Variants in GNG7 observed in about 807,000 individuals in gnomAD.
The protein encoded by GNG7 is G protein subunit gamma 7.
Under a neutral mutation model 4.0 loss-of-function variants are expected in GNG7, and 1 was observed. That is an observed-to-expected ratio of 0.25 (90% CI 0.09 to 1.18). The LOEUF (loss-of-function observed/expected upper bound fraction) is 1.18, where lower values mean the gene tolerates loss of function less well. GNG7 is among the 50% of genes most tolerant of loss of function. The pLI is 0.50. For missense variants in GNG7, 86 were observed against 91.9 expected, an observed-to-expected ratio of 0.94 and a Z score of 0.26; for synonymous variants, 34 against 36.9, an observed-to-expected ratio of 0.92 and a Z score of 0.29.
intron 1 of GNG7, among the ~76,000 whole-genome samples, chr19:2,679,100 T>C (rs1253896872): frequency 3.3e-5 from 5 of 152,188 alleles, no homozygotes; most frequent in African/African-American, 1.2e-4. Flanking sequence ...CAGGCTGGAA[T>C]GCAGTGGTGC....
chr19:2,625,945 G>A (rs552024558), intron 2 of GNG7, among the ~76,000 whole-genome samples: 6 of 152,060 alleles, frequency 3.9e-5, no homozygotes, highest in Admixed American at 3.3e-4. Flanking sequence ...CCACCACCAC[G>A]CCTGGCTAAT....
At chr19:2,552,625 T>A (rs1979367005) in intron 3 of GNG7, among the ~76,000 whole-genome samples, 1 of 151,466 alleles carries the variant, frequency 6.6e-6, no homozygotes, top group African/African-American at 2.4e-5. Flanking sequence ...CCTCAAGTGA[T>A]CCACCCGCCT....
chr19:2,512,040 A>G lies in GNG7; in HGVS notation c.*2982T>C, dbSNP rs60833063. 144,818 of 985,690 alleles carry G rather than the reference A, an allele frequency of 0.15. 11,406 individuals are homozygous for G. The highest frequency in any genetic ancestry group is 0.27 in the African/African-American group (15,602 of 57,256). 61.1% of individuals were successfully genotyped at this position (985,690 alleles called of 1,614,324 possible). A position where few individuals can be genotyped will look rare whatever the true frequency, so the allele number is the denominator to read the frequency against. Reference sequence around the variant, plus strand: ...GCCCGTGGGAGACCCAGGCTACAGAAGGAGAAACGGCCTTCTCTCTCCCAC... The same window carrying G: ...GCCCGTGGGAGACCCAGGCTACAGAGGGAGAAACGGCCTTCTCTCTCCCAC... On this transcript the variant is annotated 3_prime_UTR_variant, in exon 5 of 5. Transcript: ENST00000382159. This position sits in a 1 kb window ranked among gnomAD's most constrained non-coding sequence, Gnocchi z 4.7.
intron 3 of GNG7, among the ~76,000 whole-genome samples, chr19:2,545,578 G>A (rs1297716676): frequency 6.6e-6 from 1 of 150,954 alleles, no homozygotes; most frequent in Non-Finnish European, 1.5e-5. Context: ...CTGAACCTGG[G>A]AGGCAGAGGT....
At chr19:2,565,455 T>C (rs1319585902) in intron 2 of GNG7, among the ~76,000 whole-genome samples, 1 of 149,788 alleles carries the variant, frequency 6.7e-6, no homozygotes, top group African/African-American at 2.5e-5. Flanking sequence ...GAGGTTGCAG[T>C]GAGCCGAGAT....
intron 2 of GNG7, among the ~76,000 whole-genome samples, chr19:2,566,394 T>C (rs955029550): frequency 6.6e-6 from 1 of 152,126 alleles, no homozygotes; most frequent in Non-Finnish European, 1.5e-5. Flanking sequence ...TGCCTACACC[T>C]TGGCCTTGGA....
chr19:2,595,149 A>T (rs1231808375), intron 2 of GNG7: 1 of 145,580 alleles, frequency 6.9e-6, no homozygotes, highest in Non-Finnish European at 1.5e-5. Context: ...TTTTTTTGAG[A>T]CGGAGTCTCA....
Position 2,550,677 on chromosome 19 carries a change from C to T in GNG7, c.-38+4472G>A, listed in dbSNP as rs536239026. 2.2e-4 allele frequency among the ~76,000 whole-genome samples: 33 copies of T among 152,230 alleles called. No homozygotes were observed. The East Asian group carries it at 5.3e-3, about 24-fold the overall frequency. ...CCACCAGCTGCTCTGTGGCAAGTCT[C>T]GTGACTCCAATCCCGCTCTGCCTCT... is the stretch of plus-strand genomic sequence containing the variant. On this transcript the variant is annotated intron_variant, in intron 3 of 4. Coordinates refer to ENST00000382159, the MANE Select transcript of GNG7 (RefSeq NM_052847.3).
intron 1 of GNG7, among the ~76,000 whole-genome samples, chr19:2,661,240 G>T (rs1599448470): frequency 9.9e-6 from 1 of 101,424 alleles, no homozygotes; most frequent in African/African-American, 3.8e-5. Flanking sequence ...AGGAAAGAAA[G>T]AAAGAAAAGA....
rs752999049 is a variant in GNG7, at chr19:2,690,884, G to A, written c.-135+11762C>T. 2.5e-4 allele frequency among the ~76,000 whole-genome samples: 38 copies of A among 152,236 alleles called. 1 individual carries two copies. Among genetic ancestry groups the A allele is most frequent in the South Asian group, 1.0e-3 (5 of 4,828 alleles). ...GCTGGGATTACAGGTGCGAGCCACC[G>A]CGCCCGGCCAGGGCAGTGAAACTAT... On this transcript the variant is annotated intron_variant, in intron 1 of 4. Transcript: ENST00000382159.
intron 4 of GNG7, among the ~76,000 whole-genome samples, chr19:2,518,197 TAAAA>T (rs1438716577): frequency 4.6e-5 from 7 of 151,968 alleles, no homozygotes; most frequent in Non-Finnish European, 8.8e-5. Context: ...GCTGGGGATG[TAAAA>T]CCTCAGGCGG....
In GNG7 at chr19:2,565,511, C is replaced by CAAA. The variant is rs147226705; in HGVS notation, c.-77-10326_-77-10324dup. ...TGGGCAATAGAGAGAGACTCTGTCTCAAAAAAAAAAAAACAAAAACAAAAG... is the reference window on the plus strand; with the variant it reads ...TGGGCAATAGAGAGAGACTCTGTCTCAAAAAAAAAAAAAAAACAAAAACAAAAG... On this transcript the variant is annotated intron_variant, in intron 2 of 4. Transcript: ENST00000382159. Among the ~76,000 whole-genome samples, 457 of 116,552 alleles carry CAAA rather than the reference C, an allele frequency of 3.9e-3. 5 individuals carry two copies. The highest frequency in any genetic ancestry group is 0.012 in the African/African-American group (421 of 36,250). 76.5% of individuals were successfully genotyped at this position (116,552 alleles called of 152,430 possible). A position where few individuals can be genotyped will look rare whatever the true frequency, so the allele number is the denominator to read the frequency against.
At chr19:2,562,431 G>T (rs1979772535) in intron 2 of GNG7, among the ~76,000 whole-genome samples, 1 of 152,030 alleles carries the variant, frequency 6.6e-6, no homozygotes, top group South Asian at 2.1e-4. Flanking sequence ...TTACAGGCGT[G>T]AGCCACCGCG....
At chr19:2,651,401 C>G (rs1328659649) in intron 1 of GNG7, among the ~76,000 whole-genome samples, 1 of 116,768 alleles carries the variant, frequency 8.6e-6, no homozygotes, top group African/African-American at 3.3e-5. Flanking sequence ...TCCATCCCTC[C>G]CTCCCTCCTT....
chr19:2,583,308 G>A (rs1195816737), intron 2 of GNG7, among the ~76,000 whole-genome samples: 1 of 152,186 alleles, frequency 6.6e-6, no homozygotes, highest in Non-Finnish European at 1.5e-5. Flanking sequence ...ACAAGCCAGT[G>A]TTACTTTTGT....
intron 3 of GNG7, among the ~76,000 whole-genome samples, chr19:2,540,792 G>A (rs947151994): frequency 2.0e-5 from 3 of 152,186 alleles, no homozygotes; most frequent in South Asian, 2.1e-4. Flanking sequence ...GTGATGCCAC[G>A]GCCACTCTTG....
At chr19:2,683,003 C>T (rs948524447) in intron 1 of GNG7, among the ~76,000 whole-genome samples, 1 of 151,940 alleles carries the variant, frequency 6.6e-6, no homozygotes, top group African/African-American at 2.4e-5. Flanking sequence ...GAGTCCGAGG[C>T]GGGCAGATCA....
intron 2 of GNG7, among the ~76,000 whole-genome samples, chr19:2,604,580 A>T (rs1981319178): frequency 1.4e-5 from 2 of 139,688 alleles, no homozygotes; most frequent in African/African-American, 5.9e-5. Flanking sequence ...GAGGGAGGAA[A>T]AAGAGAAAGT....
chr19:2,661,670 TAA>T (rs57483197), intron 1 of GNG7, among the ~76,000 whole-genome samples: 24 of 108,644 alleles, frequency 2.2e-4, no homozygotes, highest in East Asian at 2.4e-4. Context: ...GAGACTCCAT[TAA>T]AAAAAAAAAA....
Sources: gnomAD v4.1 joint callset for allele counts (sites outside exome capture counted in the v4.1 genomes callset) on GRCh38, gnomAD v4.1.1 for gene constraint, Gnocchi (gnomAD v3.1) non-coding constraint, MANE v1.5 for transcripts, NCBI Gene and HGNC (gene_info 2026-07-23, HGNC 2026-07-21) for gene names.